CCT6A: variants seen among roughly 807,000 people sequenced by gnomAD.
The protein encoded by CCT6A is chaperonin containing TCP1 subunit 6A.
A neutral mutation model predicts 58.6 loss-of-function variants in CCT6A; 6 were observed. The observed-to-expected ratio is 0.10, with a 90% CI of 0.06 to 0.20. The LOEUF (loss-of-function observed/expected upper bound fraction) is 0.20. Among genes scored for constraint, CCT6A ranks in the 10% least tolerant of loss-of-function variants. The pLI is 1.00. For missense variants in CCT6A, 516 were observed against 648.8 expected (o/e 0.80, Z 2.22); for synonymous variants, 245 against 227.8 (o/e 1.08, Z -0.68).
chr7:56,060,716 T>G (rs1317309838), intron 10 of CCT6A, 91 bp from the exon 11 acceptor site: 8 of 1,466,624 alleles, frequency 5.5e-6, no homozygotes, highest in Non-Finnish European at 7.5e-6. Context: ...AGTAAATTTG[T>G]AAGAAATTAA....
chr7:56,059,441 T>A, intron 8 of CCT6A, 103 bp from the exon 9 acceptor site: 1 of 704,738 alleles, frequency 1.4e-6, no homozygotes, highest in Non-Finnish European at 2.6e-6. Flanking sequence ...AAAATTTAAT[T>A]TTGTGTGTAA....
At chr7:56,052,365 G>C in intron 1 of CCT6A, 57 bp from the exon 2 acceptor site, 1 of 1,499,010 alleles carries the variant, frequency 6.7e-7, no homozygotes, top group South Asian at 1.1e-5. Flanking sequence ...TTTCTAATGG[G>C]ACTTTTAGTT....
At chr7:56,056,845 A>G (rs111726814) in intron 5 of CCT6A, among the ~76,000 whole-genome samples, 1 of 143,122 alleles carries the variant, frequency 7.0e-6, no homozygotes, top group Non-Finnish European at 1.5e-5. Context: ...CCCAGCCTGG[A>G]GTGTACAGTG....
chr7:56,053,143 C>G (rs1215787815), intron 2 of CCT6A, among the ~76,000 whole-genome samples: 1 of 152,168 alleles, frequency 6.6e-6, no homozygotes, highest in Non-Finnish European at 1.5e-5. Flanking sequence ...CTATCTCCAA[C>G]TGGAGGGGAG....
At chr7:56,062,800 T>C (rs1794493377) in intron 13 of CCT6A, 45 bp downstream of exon 13, 2 of 1,503,590 alleles carry the variant, frequency 1.3e-6, no homozygotes, top group Non-Finnish European at 1.8e-6. Context: ...GAATCATACT[T>C]TTTTCATTTG....
chr7:56,059,158 A>G lies in CCT6A; in HGVS notation c.969-386A>G, dbSNP rs1794378536. On this transcript the variant is annotated intron_variant, in intron 8 of 13. Coordinates refer to ENST00000275603, the MANE Select transcript of CCT6A (RefSeq NM_001762.4). ...ATTACGGGTGTCTGCCACCATGCCC[A>G]CTGAATTGCTTTGTGTTTTTTTAGT... 2.6e-5 allele frequency: 5 copies of G among 193,968 alleles called. No individual in the cohort carries two copies. The South Asian group carries it at 2.8e-4, about 11-fold the overall frequency. The allele number at this position is 193,968 out of a possible 1,614,324, so 12.0% of individuals were successfully genotyped here. A position where few individuals can be genotyped will look rare whatever the true frequency, so the allele number is the denominator to read the frequency against.
At chr7:56,056,006 T>G in intron 4 of CCT6A, 1 of 531,620 alleles carries the variant, frequency 1.9e-6, no homozygotes, top group Non-Finnish European at 3.3e-6. Context: ...ATTGAAGCTT[T>G]CATTAAAAGG....
intron 2 of CCT6A, among the ~76,000 whole-genome samples, chr7:56,053,301 A>G (rs1375752095): frequency 6.6e-6 from 1 of 152,196 alleles, no homozygotes; most frequent in Non-Finnish European, 1.5e-5. Flanking sequence ...GTTCAGAATA[A>G]TATGTAGGGT....
chr7:56,062,604 A>G, intron 12 of CCT6A, 79 bp from the exon 13 acceptor site: 3 of 1,156,670 alleles, frequency 2.6e-6, no homozygotes, highest in African/African-American at 1.5e-5. Context: ...GAAATGAGTC[A>G]TCAGTGATAA....
chr7:56,052,118 G>GTCCTGTGTCCC, intron 1 of CCT6A, 133 bp downstream of exon 1: 1 of 790,248 alleles, frequency 1.3e-6, no homozygotes, highest in Non-Finnish European at 1.8e-6. Flanking sequence ...TCCGGGGTCG[G>GTCCTGTGTCCC]TCCTGTGTCC....
In CCT6A at chr7:56,056,361, T is replaced by C; in HGVS notation, c.561T>C (p.Asp187=). The C allele has an allele frequency of 4.4e-6, 7 of 1,603,444 alleles. No individual in the cohort carries two copies. The highest frequency in any genetic ancestry group is 5.1e-6 in the Non-Finnish European group (6 of 1,170,226). The change falls in exon 5 of 14, where the codon GAT becomes GAC. Residue 187 remains aspartate (D), a synonymous_variant. Transcript: ENST00000275603. The part of the protein sequence containing the change: ...LAIKKQDEPI[D]LFMIEIMEMK... Reference sequence around the variant, plus strand: ...TTAAAAAGCAAGATGAACCTATTGATCTCTTCATGATTGAGATCATGGAGA... The same window carrying C: ...TTAAAAAGCAAGATGAACCTATTGACCTCTTCATGATTGAGATCATGGAGA...
intron 7 of CCT6A, 44 bp from the exon 8 acceptor site, chr7:56,058,576 T>C (rs757197844): frequency 1.3e-6 from 2 of 1,579,760 alleles, no homozygotes; most frequent in Non-Finnish European, 1.7e-6. Context: ...CCTTTTTACT[T>C]TTAAGGTGAA....
rs1794550421 is a variant in CCT6A, at chr7:56,063,947, T to C, written c.*862T>C. 5.2e-6 allele frequency: 2 copies of C among 387,902 alleles called. No homozygotes were observed. Among genetic ancestry groups the C allele is most frequent in the South Asian group, 6.9e-5 (2 of 29,086 alleles). 24.0% of individuals were successfully genotyped at this position (387,902 alleles called of 1,614,324 possible). On this transcript the variant is annotated 3_prime_UTR_variant, in exon 14 of 14. Transcript: ENST00000275603. ...AGGCTGTGTTTTGGGATGTCAGCAG[T>C]GGCCTGAAGTGAGTTGTGCAATAAA...
Position 56,052,439 on chromosome 7 carries a change from G to C in CCT6A, c.155G>C (p.Gly52Ala), listed in dbSNP as rs764484247. Residue 52 changes from glycine (G) to alanine (A), a missense_variant, in exon 2 of 14, where the codon GGA becomes GCA. By Grantham distance (60) the Gly-to-Ala change is moderately conservative (BLOSUM62 0). Coordinates refer to ENST00000275603, the MANE Select transcript of CCT6A (RefSeq NM_001762.4). ...TTAAACAGGCTCGTTTCTGGCGCTG[G>C]AGACATCAAACTTACTAAAGACGGC... is the stretch of plus-strand genomic sequence containing the variant. ...GTMKMLVSGA[G>A]DIKLTKDGNV... 3.7e-6 allele frequency: 6 copies of C among 1,614,030 alleles called. No individual in the cohort carries two copies. The highest frequency in any genetic ancestry group is 4.2e-6 in the Non-Finnish European group (5 of 1,179,898).
At chr7:56,054,241 T>C in intron 2 of CCT6A, 128 bp from the exon 3 acceptor site, 1 of 687,218 alleles carries the variant, frequency 1.5e-6, no homozygotes, top group Non-Finnish European at 2.5e-6. Flanking sequence ...TCGAAGTAAT[T>C]TGTAGCCAAC....
Position 56,062,669 on chromosome 7 carries a change from T to G in CCT6A, c.1451-14T>G, listed in dbSNP as rs756650063. On this transcript the variant is annotated splice_polypyrimidine_tract_variant and intron_variant, in intron 12 of 13. Coordinates refer to ENST00000275603, the MANE Select transcript of CCT6A (RefSeq NM_001762.4). ...TACTGACTGAACTTATTTTAAGATT[T>G]GGTTGCCTTTTAGGTGAGCCAATGG... 1.4e-5 allele frequency: 23 copies of G among 1,610,762 alleles called. No homozygotes were observed. The highest frequency in any genetic ancestry group is 2.0e-5 in the Non-Finnish European group (23 of 1,177,020).
At chr7:56,058,933 G>A (rs995276203) in intron 8 of CCT6A, 12 of 327,314 alleles carry the variant, frequency 3.7e-5, no homozygotes, top group African/African-American at 2.4e-4. Flanking sequence ...CTTGCCCCTT[G>A]TAAACATTAT....
rs1794152606 is a variant in CCT6A at position 56,052,429 on chromosome 7, T to A, written c.145T>A (p.Ser49Thr). 1 of 1,613,858 alleles carries A rather than the reference T, an allele frequency of 6.2e-7. No homozygotes were observed. Residue 49 changes from serine (S) to threonine (T), a missense_variant, in exon 2 of 14, where the codon TCT becomes ACT. This residue lies in a region of CCT6A where 116 missense variants were observed against 184.5 expected (regional missense o/e 0.63). Coordinates refer to ENST00000275603, the MANE Select transcript of CCT6A (RefSeq NM_001762.4). ...GPKGTMKMLV[S>T]GAGDIKLTKD... ...TTTCTGTCCTTTAAACAGGCTCGTT[T>A]CTGGCGCTGGAGACATCAAACTTAC...
At position 56,063,007 on chromosome 7, in the gene CCT6A, T is replaced by G. The variant is rs774293227; in HGVS notation, c.1524-6T>G. On this transcript the variant is annotated splice_region_variant and splice_polypyrimidine_tract_variant and intron_variant, in intron 13 of 13. Coordinates refer to ENST00000275603, the MANE Select transcript of CCT6A (RefSeq NM_001762.4). Reference sequence around the variant, plus strand: ...CTGAGCCATCTTATTTTTGTCCCCCTTTCAGCACTGTGATTGCCACCAACA... The same window carrying G: ...CTGAGCCATCTTATTTTTGTCCCCCGTTCAGCACTGTGATTGCCACCAACA... 1 of 1,608,798 alleles carries G rather than the reference T, an allele frequency of 6.2e-7. No individual in the cohort carries two copies. Among genetic ancestry groups the G allele is most frequent in the Non-Finnish European group, 8.5e-7 (1 of 1,175,178 alleles).
Sources: gnomAD v4.1 joint callset for allele counts (sites outside exome capture counted in the v4.1 genomes callset) on GRCh38, gnomAD v4.1.1 for gene constraint, gnomAD v4.1.1 regional missense constraint, MANE v1.5 for transcripts, NCBI Gene and HGNC (gene_info 2026-07-23, HGNC 2026-07-21) for gene names.